USP30: variants seen among roughly 807,000 people sequenced by gnomAD.
USP30 encodes ubiquitin specific peptidase 30, also known as ubiquitin carboxyl-terminal hydrolase 30.
A neutral mutation model predicts 68.2 loss-of-function variants in USP30; 41 were observed. That is an observed-to-expected ratio of 0.60 (90% CI 0.47 to 0.78). The LOEUF is 0.78. Ranked by LOEUF, USP30 falls within the 30% of genes least tolerant of loss-of-function variation. The probability of loss-of-function intolerance (pLI) is 0.00; values close to 1 mark genes in which losing one functional copy is unlikely to be tolerated. For missense variants in USP30, 522 were observed against 649.4 expected, an observed-to-expected ratio of 0.80 and a Z score of 2.13; for synonymous variants, 229 against 253.7, an observed-to-expected ratio of 0.90 and a Z score of 0.93.
intron 1 of USP30, chr12:109,054,187 A>G: frequency 2.5e-6 from 1 of 400,456 alleles, no homozygotes; most frequent in Non-Finnish European, 5.0e-6. Context: ...GAACTCACGT[A>G]TCGTGTAAAA....
chr12:109,071,533 G>A lies in USP30; in HGVS notation c.481-79G>A, dbSNP rs565893189. 131 of 1,164,278 alleles carry A rather than the reference G, an allele frequency of 1.1e-4. No individual in the cohort carries two copies. In the South Asian group the frequency reaches 1.1e-3, roughly 10 times the overall value. The allele number at this position is 1,164,278 out of a possible 1,614,324, so 72.1% of individuals were successfully genotyped here. A position where few individuals can be genotyped will look rare whatever the true frequency, so the allele number is the denominator to read the frequency against. ...AAATTCTACCCACATTCACTGTAGGGTGTCTGCCCGAGGTGGGTAGTTCTG... is the reference window on the plus strand; with the variant it reads ...AAATTCTACCCACATTCACTGTAGGATGTCTGCCCGAGGTGGGTAGTTCTG... On this transcript the variant is annotated intron_variant, in intron 4 of 12. Transcript: ENST00000257548.
intron 8 of USP30, 186 bp downstream of exon 8, chr12:109,081,579 G>T: frequency 1.5e-6 from 1 of 682,856 alleles, no homozygotes; most frequent in Non-Finnish European, 2.4e-6. Flanking sequence ...TTTTTCTTTT[G>T]CTCCAGAAAT....
chr12:109,041,908 T>C (rs1178544468), intron 3 of USP30, among the ~76,000 whole-genome samples: 1 of 152,098 alleles, frequency 6.6e-6, no homozygotes, highest in Non-Finnish European at 1.5e-5. Context: ...TTGTGACAAT[T>C]CAGAATGACT....
At position 109,052,771 on chromosome 12, in the gene USP30, T is replaced by G; in HGVS notation, c.83+10T>G. 1 of 1,443,696 alleles carries G rather than the reference T, an allele frequency of 6.9e-7. No homozygotes were observed. Among genetic ancestry groups the G allele is most frequent in the Non-Finnish European group, 9.1e-7 (1 of 1,098,132 alleles). 89.4% of individuals were successfully genotyped at this position (1,443,696 alleles called of 1,614,324 possible). ...CCGGGGCGGCCGTCAGGTGAGATTT[T>G]GGGGGGCGGGGCTGCCGAAGAGGCC... is the stretch of plus-strand genomic sequence containing the variant. On this transcript the variant is annotated intron_variant, in intron 1 of 12. Transcript: ENST00000257548.
intron 3 of USP30, among the ~76,000 whole-genome samples, chr12:109,042,732 T>C (rs989532043): frequency 6.6e-6 from 1 of 152,202 alleles, no homozygotes; most frequent in South Asian, 2.1e-4. Context: ...TTTAACGTAG[T>C]ACTGGAAGTT....
chr12:109,054,981 T>C (rs2040797373), intron 1 of USP30, among the ~76,000 whole-genome samples: 1 of 152,154 alleles, frequency 6.6e-6, no homozygotes, highest in South Asian at 2.1e-4. Context: ...CAAAACAATA[T>C]TCACATGATC....
intron 3 of USP30, 90 bp from the exon 4 acceptor site, chr12:109,067,434 A>C: frequency 8.3e-7 from 1 of 1,211,690 alleles, no homozygotes. Context: ...TTTAATTTTT[A>C]ATTAACTTTG....
Position 109,052,650 on chromosome 12 carries a change from G to C in USP30, c.-29G>C. Reference sequence around the variant, plus strand: ...CGGCGGCGGCGGCGGTAGCGGAGGAGACGGTTTCAGGCCTCCGGTGCGGCT... The same window carrying C: ...CGGCGGCGGCGGCGGTAGCGGAGGACACGGTTTCAGGCCTCCGGTGCGGCT... On this transcript the variant is annotated 5_prime_UTR_variant, in exon 1 of 13. Coordinates refer to ENST00000257548, the MANE Select transcript of USP30 (RefSeq NM_032663.5). The C allele has an allele frequency of 1.4e-6, 2 of 1,477,592 alleles. No individual in the cohort carries two copies. Among genetic ancestry groups the C allele is most frequent in the Middle Eastern group, 2.0e-4 (1 of 5,064 alleles). 91.5% of individuals were successfully genotyped at this position (1,477,592 alleles called of 1,614,324 possible).
intron 3 of USP30, among the ~76,000 whole-genome samples, chr12:109,035,928 C>T (rs1026980916): frequency 2.6e-5 from 4 of 152,120 alleles, no homozygotes; most frequent in African/African-American, 9.7e-5. Context: ...TTTGGGAGGC[C>T]TAGGTGTGAG....
intron 1 of USP30, chr12:109,054,925 T>TAC (rs1044402306): frequency 3.4e-4 from 52 of 152,294 alleles, no homozygotes; most frequent in African/African-American, 1.3e-3. Flanking sequence ...GGGTCAATAT[T>TAC]ACCACCAGTG....
chr12:109,032,554 G>A (rs551815456), intron 3 of USP30, among the ~76,000 whole-genome samples: 5 of 152,290 alleles, frequency 3.3e-5, no homozygotes, highest in African/African-American at 7.2e-5. Flanking sequence ...AAGGCCACAT[G>A]TTGTACATAT....
At chr12:109,023,951 T>G (rs2040426030) in intron 1 of USP30, among the ~76,000 whole-genome samples, 1 of 151,840 alleles carries the variant, frequency 6.6e-6, no homozygotes, top group African/African-American at 2.4e-5. Context: ...TATTTTTTGA[T>G]GTTCAACAGA....
chr12:109,059,629 T>C (rs970620597), intron 3 of USP30, among the ~76,000 whole-genome samples: 1 of 152,216 alleles, frequency 6.6e-6, no homozygotes, highest in African/African-American at 2.4e-5. Flanking sequence ...TTCTTCTGCT[T>C]CAGCCTCCCT....
intron 4 of USP30, 116 bp downstream of exon 4, chr12:109,067,743 T>G: frequency 1.2e-6 from 1 of 859,850 alleles, no homozygotes; most frequent in Admixed American, 2.4e-5. Flanking sequence ...TTAGACAACT[T>G]TAGTGTTCTG....
intron 3 of USP30, among the ~76,000 whole-genome samples, chr12:109,041,931 A>G (rs2040568166): frequency 6.6e-6 from 1 of 152,170 alleles, no homozygotes. Flanking sequence ...ATAAAGAAAG[A>G]CAAACTTATA....
intron 3 of USP30, among the ~76,000 whole-genome samples, chr12:109,059,191 T>G (rs2040978422): frequency 6.6e-6 from 1 of 152,076 alleles, no homozygotes; most frequent in Non-Finnish European, 1.5e-5. Context: ...CCTACCCAAC[T>G]TTTTTTTGTT....
intron 3 of USP30, among the ~76,000 whole-genome samples, chr12:109,063,792 T>G (rs1200975821): frequency 6.6e-6 from 1 of 152,210 alleles, no homozygotes; most frequent in Non-Finnish European, 1.5e-5. Context: ...ATATTGAGCA[T>G]CTTTTCATTT....
chr12:109,069,546 C>T (rs1405136850), intron 4 of USP30, among the ~76,000 whole-genome samples: 1 of 152,190 alleles, frequency 6.6e-6, no homozygotes, highest in Non-Finnish European at 1.5e-5. Flanking sequence ...ATATAGGCAA[C>T]AAGTATTTAT....
intron 3 of USP30, 142 bp from the exon 4 acceptor site, chr12:109,067,382 T>C (rs2041291282): frequency 3.2e-6 from 2 of 618,210 alleles, no homozygotes; most frequent in Non-Finnish European, 5.4e-6. Context: ...CTCCCAAAAT[T>C]CTGGGATTAC....
Sources: gnomAD v4.1 joint callset for allele counts (sites outside exome capture counted in the v4.1 genomes callset) on GRCh38, gnomAD v4.1.1 for gene constraint, MANE v1.5 for transcripts, NCBI Gene and HGNC (gene_info 2026-07-23, HGNC 2026-07-21) for gene names.